The following CRTAC1 variants were observed in gnomAD, a reference collection of about 807,000 sequenced individuals.
CRTAC1 encodes acidic secreted protein in cartilage.
Under a neutral mutation model 67.8 loss-of-function variants are expected in CRTAC1, and 37 were observed. That is an observed-to-expected ratio of 0.55 (90% confidence interval 0.42 to 0.72). The LOEUF is 0.72. Ranked by LOEUF, CRTAC1 falls within the 30% of genes least tolerant of loss-of-function variation. The pLI is 0.00. For missense variants in CRTAC1, 780 were observed against 931.6 expected (o/e 0.84, Z 2.12); for synonymous variants, 348 against 371.0 (o/e 0.94, Z 0.71).
At chr10:98,013,871 G>T (rs544164147) in intron 1 of CRTAC1, among the ~76,000 whole-genome samples, 5 of 152,338 alleles carry the variant, frequency 3.3e-5, no homozygotes, top group Non-Finnish European at 5.9e-5. Context: ...GCCATCATTA[G>T]TGTGGATCCT....
chr10:97,942,845 T>C (rs1444622565), intron 2 of CRTAC1, among the ~76,000 whole-genome samples: 3 of 150,412 alleles, frequency 2.0e-5, no homozygotes, highest in Non-Finnish European at 4.4e-5. Context: ...GATAGGAGGA[T>C]CCCTTGAGCC....
At chr10:97,925,191 A>G (rs1205819900) in intron 3 of CRTAC1, among the ~76,000 whole-genome samples, 1 of 152,222 alleles carries the variant, frequency 6.6e-6, no homozygotes, top group African/African-American at 2.4e-5. Flanking sequence ...GGCTCACCTG[A>G]GCCCAGGAGG....
At chr10:97,900,357 T>A (rs181806407) in intron 8 of CRTAC1, among the ~76,000 whole-genome samples, 609 of 152,358 alleles carry the variant, frequency 4.0e-3, no homozygotes, top group Non-Finnish European at 7.0e-3. Context: ...GAATACTCCA[T>A]CCATCTTTTG....
chr10:97,991,182 T>C (rs1330224678), intron 2 of CRTAC1, among the ~76,000 whole-genome samples: 1 of 149,664 alleles, frequency 6.7e-6, no homozygotes, highest in African/African-American at 2.5e-5. Context: ...AGGTGGAGGA[T>C]TGCTTGAGCC....
chr10:98,001,682 T>TGCAA (rs2136684260), intron 2 of CRTAC1, among the ~76,000 whole-genome samples: 1 of 152,290 alleles, frequency 6.6e-6, no homozygotes, highest in South Asian at 2.1e-4. Context: ...AACTGTAGGC[T>TGCAA]GCAAGCAGGT....
intron 4 of CRTAC1, among the ~76,000 whole-genome samples, chr10:97,922,679 T>A (rs1358002660): frequency 6.6e-6 from 1 of 152,162 alleles, no homozygotes; most frequent in Admixed American, 6.5e-5. Context: ...TTCCTCCCCA[T>A]CCAGTTTGGG....
At position 97,882,166 on chromosome 10, in the gene CRTAC1, C is replaced by T. The variant is rs549711328; in HGVS notation, c.1675+620G>A. 1.1e-4 allele frequency among the ~76,000 whole-genome samples: 17 copies of T among 152,244 alleles called. No homozygotes were observed. The South Asian group carries it at 3.3e-3, about 30-fold the overall frequency. ...AGGAAGGAGGGATCCTTGGCCTGAC[C>T]CCTCCTTGCTGGTCACTGGGATGGA... On this transcript the variant is annotated intron_variant, in intron 13 of 14. Coordinates refer to ENST00000370597, the MANE Select transcript of CRTAC1 (RefSeq NM_018058.7).
At chr10:97,905,385 G>A (rs2050598046) in intron 6 of CRTAC1, among the ~76,000 whole-genome samples, 1 of 152,050 alleles carries the variant, frequency 6.6e-6, no homozygotes, top group Non-Finnish European at 1.5e-5. Context: ...CTAGCTCTAG[G>A]TTACCCAGCT....
chr10:97,925,484 T>C (rs1368845612), intron 3 of CRTAC1, among the ~76,000 whole-genome samples: 1 of 148,664 alleles, frequency 6.7e-6, no homozygotes, highest in Non-Finnish European at 1.5e-5. Flanking sequence ...TGTGAGAGAG[T>C]GGGCATGAGT....
intron 14 of CRTAC1, chr10:97,878,426 C>T (rs3793695): frequency 0.33 from 93,901 of 283,452 alleles, 17,084 homozygotes; most frequent in Middle Eastern, 0.39. Context: ...GGAGTATTAC[C>T]ATGATATCAG....
At chr10:97,919,488 C>T (rs1316267459) in intron 4 of CRTAC1, among the ~76,000 whole-genome samples, 1 of 152,188 alleles carries the variant, frequency 6.6e-6, no homozygotes, top group Admixed American at 6.5e-5. Flanking sequence ...AGGGATGAAG[C>T]TGGAGAAGGT....
At chr10:97,907,341 C>A (rs1238950772) in intron 6 of CRTAC1, among the ~76,000 whole-genome samples, 1 of 150,110 alleles carries the variant, frequency 6.7e-6, no homozygotes, top group African/African-American at 2.5e-5. Flanking sequence ...GGCTAAACGA[C>A]GTTCTGCAGG....
At chr10:98,028,249 C>T (rs1025107770) in intron 1 of CRTAC1, among the ~76,000 whole-genome samples, 1 of 152,196 alleles carries the variant, frequency 6.6e-6, no homozygotes, top group African/African-American at 2.4e-5. Flanking sequence ...ATTCCAAGTA[C>T]GATGGTGGTG....
chr10:97,926,395 G>A (rs541167985), intron 3 of CRTAC1, among the ~76,000 whole-genome samples: 6 of 152,176 alleles, frequency 3.9e-5, no homozygotes, highest in Non-Finnish European at 7.3e-5. Context: ...GGAATTACAC[G>A]AGAAATGCAC....
At chr10:97,866,640 A>G (rs1329046214) in intron 14 of CRTAC1, 2 of 152,276 alleles carry the variant, frequency 1.3e-5, no homozygotes, top group East Asian at 3.8e-4. Context: ...GCACCAGTGC[A>G]CAAGTGTATG....
chr10:97,908,239 C>A, intron 5 of CRTAC1, 92 bp from the exon 6 acceptor site: 1 of 1,392,704 alleles, frequency 7.2e-7, no homozygotes, highest in Non-Finnish European at 9.9e-7. Context: ...AGGGGAACTG[C>A]AGCAGAGGCT....
intron 2 of CRTAC1, among the ~76,000 whole-genome samples, chr10:97,965,541 T>G (rs375232228): frequency 6.6e-6 from 1 of 152,228 alleles, no homozygotes; most frequent in Admixed American, 6.5e-5. Flanking sequence ...TTTTTCTTTC[T>G]TTCTTTCTTC....
At chr10:97,946,155 C>T (rs1276401729) in intron 2 of CRTAC1, among the ~76,000 whole-genome samples, 2 of 152,152 alleles carry the variant, frequency 1.3e-5, no homozygotes, top group Non-Finnish European at 2.9e-5. Flanking sequence ...CAGGAATTCC[C>T]ATAAACTGTC....
chr10:98,005,100 A>ATATTTTTT, intron 2 of CRTAC1, among the ~76,000 whole-genome samples: 9 of 48,884 alleles, frequency 1.8e-4, no homozygotes, highest in African/African-American at 8.1e-4. Context: ...ATATATATAT[A>ATATTTTTT]TTTTTTTTTT....
Sources: allele counts gnomAD v4.1 joint callset (sites outside exome capture counted in the v4.1 genomes callset), GRCh38; gene constraint gnomAD v4.1.1; transcripts MANE v1.5; gene names NCBI Gene and HGNC (gene_info 2026-07-23, HGNC 2026-07-21).